Variants in PRIM2 observed in about 807,000 individuals in gnomAD.
The protein encoded by PRIM2 is DNA primase subunit 2.
Under a neutral mutation model 67.3 loss-of-function variants are expected in PRIM2, and 39 were observed. The observed-to-expected ratio is 0.58, with a 90% CI of 0.45 to 0.76. The LOEUF is 0.76. Among genes scored for constraint, PRIM2 ranks in the 30% least tolerant of loss-of-function variants. The pLI is 0.00. For missense variants in PRIM2, 398 were observed against 598.7 expected, an observed-to-expected ratio of 0.66 and a Z score of 3.50; for synonymous variants, 143 against 198.7, an observed-to-expected ratio of 0.72 and a Z score of 2.36.
rs1320305368 is a variant in PRIM2, at chr6:57,524,594, G to A, written c.762-7817G>A. 7.2e-5 allele frequency among the ~76,000 whole-genome samples: 11 copies of A among 151,998 alleles called. 1 individual carries two copies. The highest frequency in any genetic ancestry group is 3.3e-4 in the Admixed American group (5 of 15,262). On this transcript the variant is annotated intron_variant, in intron 8 of 13. Transcript: ENST00000615550. Reference sequence around the variant, plus strand: ...CACGTGCATGTAATCCCAGCTACTCGGGAGGCTGAGGCAGGAGAATCACTT... The same window carrying A: ...CACGTGCATGTAATCCCAGCTACTCAGGAGGCTGAGGCAGGAGAATCACTT...
intron 7 of PRIM2, among the ~76,000 whole-genome samples, chr6:57,388,748 G>C: frequency 6.6e-6 from 1 of 152,256 alleles, no homozygotes; most frequent in East Asian, 1.9e-4. Context: ...CCAAGATGTA[G>C]AAGACTCCGA....
intron 13 of PRIM2, among the ~76,000 whole-genome samples, chr6:57,637,286 CA>C (rs1248784898): frequency 6.6e-6 from 1 of 151,744 alleles, no homozygotes; most frequent in Non-Finnish European, 1.5e-5. Flanking sequence ...GTAGATAAAT[CA>C]CAAAGACTGG....
chr6:57,390,795 AT>A (rs1182479834), intron 7 of PRIM2, among the ~76,000 whole-genome samples: 1 of 152,170 alleles, frequency 6.6e-6, no homozygotes, highest in Non-Finnish European at 1.5e-5. Flanking sequence ...ACTGAAGGAC[AT>A]TTAGGTTGAT....
intron 5 of PRIM2, among the ~76,000 whole-genome samples, chr6:57,349,618 C>G (rs1335375386): frequency 6.6e-6 from 1 of 151,808 alleles, no homozygotes; most frequent in Non-Finnish European, 1.5e-5. Context: ...CTAGTTCCAC[C>G]CAAGGTGTGT....
rs1443797275 is a variant in PRIM2, at chr6:57,398,391, C to T, written c.693+16223C>T. Among the ~76,000 whole-genome samples the T allele has an allele frequency of 2.6e-5, 4 of 152,084 alleles. No individual in the cohort carries two copies. In the East Asian group the frequency reaches 5.8e-4, roughly 22 times the overall value. ...TTTAAAAGAACTTCTTAATTTCTGCCTTAATTTCATTTTTTACCCAAAAGT... is the reference window on the plus strand; with the variant it reads ...TTTAAAAGAACTTCTTAATTTCTGCTTTAATTTCATTTTTTACCCAAAAGT... On this transcript the variant is annotated intron_variant, in intron 7 of 13. Coordinates refer to ENST00000615550, the MANE Select transcript of PRIM2 (RefSeq NM_000947.5).
chr6:57,450,282 T>G (rs1772500742), intron 7 of PRIM2, among the ~76,000 whole-genome samples: 1 of 152,200 alleles, frequency 6.6e-6, no homozygotes, highest in Non-Finnish European at 1.5e-5. Context: ...TTCTTTTTGG[T>G]GTCTAATACT....
chr6:57,311,553 C>T (rs1050668091), upstream of PRIM2, among the ~76,000 whole-genome samples: 1 of 152,046 alleles, frequency 6.6e-6, no homozygotes, highest in Non-Finnish European at 1.5e-5. Flanking sequence ...GAGGGGGCGG[C>T]GGGGCAGAGG....
At chr6:57,310,585 C>A (rs538867021), upstream of PRIM2, among the ~76,000 whole-genome samples, 3 of 152,386 alleles carry the variant, frequency 2.0e-5, no homozygotes, top group East Asian at 5.8e-4. Flanking sequence ...GTTGGGTACA[C>A]TTCCCAGATG....
At chr6:57,574,476 T>C (rs1192555220) in intron 10 of PRIM2, among the ~76,000 whole-genome samples, 6 of 152,262 alleles carry the variant, frequency 3.9e-5, no homozygotes, top group Admixed American at 2.0e-4. Flanking sequence ...ATCAGAACCT[T>C]CTACCCGGTA....
chr6:57,339,062 C>G (rs1272804953), intron 5 of PRIM2, among the ~76,000 whole-genome samples: 1 of 151,930 alleles, frequency 6.6e-6, no homozygotes, highest in Non-Finnish European at 1.5e-5. Flanking sequence ...ACACCAACAA[C>G]AGACAAACAG....
intron 8 of PRIM2, among the ~76,000 whole-genome samples, chr6:57,526,809 G>GT (rs1343504428): frequency 2.6e-5 from 4 of 152,052 alleles, no homozygotes; most frequent in East Asian, 1.9e-4. Flanking sequence ...AATTAGAAAT[G>GT]TTTTTTGCAT....
intron 10 of PRIM2, among the ~76,000 whole-genome samples, chr6:57,563,485 C>G (rs1288249358): frequency 6.6e-6 from 1 of 151,944 alleles, no homozygotes; most frequent in Non-Finnish European, 1.5e-5. Flanking sequence ...TTATTTTCCC[C>G]TCTGAAATTT....
chr6:57,287,966 A>G, the PRIM2 span, among the ~76,000 whole-genome samples: 8,763 of 152,192 alleles, frequency 0.058, 272 homozygotes, highest in Non-Finnish European at 0.072. Flanking sequence ...GAAGCAGGGC[A>G]GGGTGTCGCC....
intron 7 of PRIM2, among the ~76,000 whole-genome samples, chr6:57,453,804 C>T (rs1772648151): frequency 1.3e-5 from 2 of 152,154 alleles, no homozygotes; most frequent in South Asian, 4.1e-4. Context: ...ATTGCCCTGG[C>T]CAGAACTTCC....
the PRIM2 span, among the ~76,000 whole-genome samples, chr6:57,247,015 C>T: frequency 3.7e-4 from 57 of 152,188 alleles, 1 homozygote; most frequent in Middle Eastern, 3.4e-3. Context: ...CCACCATGCC[C>T]GGCTAATTTT....
At chr6:57,330,362 T>TG (rs1491393612) in intron 5 of PRIM2, among the ~76,000 whole-genome samples, 10 of 71,920 alleles carry the variant, frequency 1.4e-4, no homozygotes, top group East Asian at 6.0e-4. Context: ...TTTTTTTTTG[T>TG]TTTTGTTTTT....
At chr6:57,576,031 G>A (rs1775958688) in intron 10 of PRIM2, among the ~76,000 whole-genome samples, 2 of 152,130 alleles carry the variant, frequency 1.3e-5, no homozygotes, top group Admixed American at 1.3e-4. Flanking sequence ...ACCCACCTCA[G>A]CCTCCCAAAG....
the PRIM2 span, among the ~76,000 whole-genome samples, chr6:57,306,665 C>T: frequency 6.6e-6 from 1 of 152,214 alleles, no homozygotes; most frequent in East Asian, 1.9e-4. Flanking sequence ...GTCCTGAAAC[C>T]TCAGCCTCTA....
chr6:57,222,326 G>T, the PRIM2 span: 2 of 152,152 alleles, frequency 1.3e-5, no homozygotes, highest in Non-Finnish European at 1.5e-5. Context: ...CTTCGTCTGC[G>T]CATGCTCTGT....
Sources: allele counts gnomAD v4.1 joint callset (sites outside exome capture counted in the v4.1 genomes callset), GRCh38; gene constraint gnomAD v4.1.1; transcripts MANE v1.5; gene names NCBI Gene and HGNC (gene_info 2026-07-23, HGNC 2026-07-21).